Variants in AHCTF1 observed in about 807,000 individuals in gnomAD.
The protein encoded by AHCTF1 is protein ELYS.
AHCTF1 carries 24 observed loss-of-function variants against 248.4 expected under a neutral mutation model. That is an observed-to-expected ratio of 0.10 (90% CI 0.07 to 0.14). The LOEUF is 0.14. Ranked by LOEUF, AHCTF1 falls within the 10% of genes least tolerant of loss-of-function variation. The probability of loss-of-function intolerance (pLI) is 1.00; values close to 1 mark genes in which losing one functional copy is unlikely to be tolerated. For synonymous variants in AHCTF1, 786 were observed against 929.8 expected (o/e 0.85, Z 2.81); for missense variants, 2,206 against 2,636.2 (o/e 0.84, Z 3.57).
chr1:246,920,100 ACTGCACTCCAGC>A (rs1666422861), intron 1 of AHCTF1, among the ~76,000 whole-genome samples: 2 of 141,694 alleles, frequency 1.4e-5, no homozygotes, highest in South Asian at 4.5e-4. Context: ...AGATTGTGCA[ACTGCACTCCAGC>A]CTGACGACAC....
Position 246,931,694 on chromosome 1 carries a change from G to A in AHCTF1, c.-124C>T, listed in dbSNP as rs1223109990. 1.3e-5 allele frequency: 2 copies of A among 152,378 alleles called. No individual in the cohort carries two copies. The highest frequency in any genetic ancestry group is 2.1e-4 in the South Asian group (1 of 4,840). 9.4% of individuals were successfully genotyped at this position (152,378 alleles called of 1,614,324 possible). A position where few individuals can be genotyped will look rare whatever the true frequency, so the allele number is the denominator to read the frequency against. ...ATCTCCCGGGAGACGTGGCCGCCAC[G>A]GGCCGGGCTCACACCCCTCCGCCCG... On this transcript the variant is annotated 5_prime_UTR_variant, in exon 1 of 36. Coordinates refer to ENST00000648844, the MANE Select transcript of AHCTF1 (RefSeq NM_001323342.2).
chr1:246,853,357 A>AG, intron 31 of AHCTF1, 58 bp from the exon 32 acceptor site: 1 of 1,417,118 alleles, frequency 7.1e-7, no homozygotes, highest in Non-Finnish European at 9.7e-7. Context: ...TCCACACACA[A>AG]GGAAGCAAAC....
At chr1:246,869,797 G>A (rs531219727) in intron 24 of AHCTF1, among the ~76,000 whole-genome samples, 73 of 152,230 alleles carry the variant, frequency 4.8e-4, no homozygotes, top group Middle Eastern at 3.4e-3. Flanking sequence ...ACAGGGAGAC[G>A]AATGCTGTTA....
chr1:246,928,696 C>T (rs899901039), intron 1 of AHCTF1, among the ~76,000 whole-genome samples: 4 of 152,174 alleles, frequency 2.6e-5, no homozygotes. Context: ...TAACTGAATT[C>T]CACCACAGAA....
chr1:246,888,581 C>G (rs774492793), intron 17 of AHCTF1, 64 bp from the exon 18 acceptor site: 1 of 1,550,010 alleles, frequency 6.5e-7, no homozygotes, highest in Admixed American at 1.9e-5. Flanking sequence ...AAGCAACCAG[C>G]ATCAAAATAT....
In AHCTF1 at chr1:246,895,786, T is replaced by G. The variant is rs750108240; in HGVS notation, c.1714+49A>C. On this transcript the variant is annotated intron_variant, in intron 13 of 35. Coordinates refer to ENST00000648844, the MANE Select transcript of AHCTF1 (RefSeq NM_001323342.2). Reference sequence around the variant, plus strand: ...AGAAAAAAATATAACAAATAGCAAGTTGATAACTTTAAAAATACCAAACAT... The same window carrying G: ...AGAAAAAAATATAACAAATAGCAAGGTGATAACTTTAAAAATACCAAACAT... 12 of 1,427,438 alleles carry G rather than the reference T, an allele frequency of 8.4e-6. No homozygotes were observed. In the South Asian group the frequency reaches 1.5e-4, roughly 18 times the overall value. The allele number at this position is 1,427,438 out of a possible 1,614,324, so 88.4% of individuals were successfully genotyped here. A position where few individuals can be genotyped will look rare whatever the true frequency, so the allele number is the denominator to read the frequency against.
chr1:246,889,335 G>A (rs1043041444), intron 17 of AHCTF1, among the ~76,000 whole-genome samples: 4 of 151,850 alleles, frequency 2.6e-5, no homozygotes, highest in Non-Finnish European at 5.9e-5. Context: ...TACTCTTTGC[G>A]GTTGTCCAAT....
At position 246,889,975 on chromosome 1, in the gene AHCTF1, C is replaced by A; in HGVS notation, c.2135G>T (p.Arg712Leu). ...AATTGTTTTACTATACCTTGATAAA[C>A]GCTCAAACTTCTGTCGACGACTGGT... ...YYTSRRQKFE[R>L]LSRGKWNPDC... The change falls in exon 17 of 36, where the codon CGT becomes CTT. Residue 712 changes from arginine to leucine, a missense_variant. Around this residue, in one of 6 missense-constraint regions of AHCTF1, gnomAD observed 650 missense variants for 870.8 expected, o/e 0.75. Coordinates refer to ENST00000648844, the MANE Select transcript of AHCTF1 (RefSeq NM_001323342.2). 6.2e-7 allele frequency: 1 copy of A among 1,610,266 alleles called. No individual in the cohort carries two copies. Among genetic ancestry groups the A allele is most frequent in the East Asian group, 2.2e-5 (1 of 44,784 alleles).
At chr1:246,855,898 C>T (rs906898639) in intron 30 of AHCTF1, 71 bp from the exon 31 acceptor site, 1 of 1,066,668 alleles carries the variant, frequency 9.4e-7, no homozygotes, top group Non-Finnish European at 1.4e-6. Flanking sequence ...TTAGTCCTAC[C>T]ACCTAACCTG....
At chr1:246,879,596 G>A (rs1663243462) in intron 21 of AHCTF1, among the ~76,000 whole-genome samples, 3 of 152,176 alleles carry the variant, frequency 2.0e-5, no homozygotes, top group South Asian at 4.1e-4. Context: ...GACCGAGACA[G>A]GTGGATCAAT....
chr1:246,847,294 A>C lies in AHCTF1; in HGVS notation c.6391+2321T>G, dbSNP rs565096716. Among the ~76,000 whole-genome samples, 90 of 110,984 alleles carry C rather than the reference A, an allele frequency of 8.1e-4. No homozygotes were observed. The East Asian group carries it at 0.012, about 15-fold the overall frequency. 72.8% of individuals were successfully genotyped at this position (110,984 alleles called of 152,430 possible). ...ACAACAGCCAAACTCCATCTCAAAA[A>C]AAAAAAACAAACAAAAAAAAAACTG... On this transcript the variant is annotated intron_variant, in intron 33 of 35. Transcript: ENST00000648844.
rs576918696 is a variant in AHCTF1, at chr1:246,895,404, G to A, written c.1714+431C>T. On this transcript the variant is annotated intron_variant, in intron 13 of 35. Transcript: ENST00000648844. ...AAATGGTTCTGAACAGACAATATGC[G>A]TTTGGGGTGTGTGTGTGTATGTGTG... is the stretch of plus-strand genomic sequence containing the variant. Among the ~76,000 whole-genome samples, 5 of 152,124 alleles carry A rather than the reference G, an allele frequency of 3.3e-5. No individual in the cohort carries two copies. The South Asian group carries it at 6.2e-4, about 19-fold the overall frequency.
At chr1:246,914,943 T>C (rs1241368487) in intron 3 of AHCTF1, among the ~76,000 whole-genome samples, 1 of 152,238 alleles carries the variant, frequency 6.6e-6, no homozygotes, top group Non-Finnish European at 1.5e-5. Flanking sequence ...CATCATTATT[T>C]ACCTGAATGG....
At chr1:246,888,557 GTTAA>G (rs763853907) in intron 17 of AHCTF1, 40 bp from the exon 18 acceptor site, 38 of 1,602,092 alleles carry the variant, frequency 2.4e-5, no homozygotes, top group Middle Eastern at 1.7e-4. Context: ...TAATATCACT[GTTAA>G]TTAATATCAA....
In AHCTF1 at chr1:246,877,145, GGTAA is replaced by G. The variant is rs1558239806; in HGVS notation, c.2805+9_2805+12del. The G allele has an allele frequency of 3.7e-6, 6 of 1,612,276 alleles. No individual in the cohort carries two copies. Among genetic ancestry groups the G allele is most frequent in the Middle Eastern group, 1.9e-4 (1 of 5,150 alleles). ...CTTGAATTTCTGACAAGTTTACATCGGTAAGTAATTACCTGCTCAGTGTCTGTAA... is the reference window on the plus strand; with the variant it reads ...CTTGAATTTCTGACAAGTTTACATCGGTAATTACCTGCTCAGTGTCTGTAA... On this transcript the variant is annotated intron_variant, in intron 22 of 35. Transcript: ENST00000648844.
chr1:246,920,931 C>G (rs1666501854), intron 1 of AHCTF1, among the ~76,000 whole-genome samples: 1 of 150,654 alleles, frequency 6.6e-6, no homozygotes, highest in Admixed American at 6.6e-5. Flanking sequence ...ACTAATAATA[C>G]CAAAAAAAAA....
At chr1:246,929,836 G>A (rs1468133987) in intron 1 of AHCTF1, among the ~76,000 whole-genome samples, 5 of 152,286 alleles carry the variant, frequency 3.3e-5, no homozygotes, top group South Asian at 4.1e-4. Flanking sequence ...GGCGGATCAC[G>A]AGGTCAGAAG....
chr1:246,899,912 TTG>T (rs900295742), intron 10 of AHCTF1, among the ~76,000 whole-genome samples, 151 bp downstream of exon 10: 2 of 152,328 alleles, frequency 1.3e-5, no homozygotes, highest in African/African-American at 2.4e-5. Context: ...ACTAAGTTTC[TTG>T]TGTGTATATA....
chr1:246,872,348 G>C (rs1437147203), intron 24 of AHCTF1, among the ~76,000 whole-genome samples: 5 of 152,050 alleles, frequency 3.3e-5, no homozygotes. Flanking sequence ...TGATGCCCCA[G>C]GACCCAAAAA....
Sources: allele counts gnomAD v4.1 joint callset (sites outside exome capture counted in the v4.1 genomes callset), GRCh38; gene constraint gnomAD v4.1.1; regional missense constraint gnomAD v4.1.1; transcripts MANE v1.5; gene names NCBI Gene and HGNC (gene_info 2026-07-23, HGNC 2026-07-21).